CRISPLD2: variants seen among roughly 807,000 people sequenced by gnomAD.
The protein encoded by CRISPLD2 is cysteine-rich secretory protein LCCL domain-containing 2.
CRISPLD2 carries 47 observed loss-of-function variants against 71.1 expected under a neutral mutation model. That is an observed-to-expected ratio of 0.66 (90% confidence interval 0.52 to 0.84). The LOEUF (loss-of-function observed/expected upper bound fraction) is 0.84, where lower values mean the gene tolerates loss of function less well. Ranked by LOEUF, CRISPLD2 falls within the 40% of genes least tolerant of loss-of-function variation. CRISPLD2 has a pLI of 0.00. For missense variants in CRISPLD2, 830 were observed against 651.1 expected (o/e 1.27, Z -2.99); for synonymous variants, 317 against 250.1 (o/e 1.27, Z -2.52).
At chr16:84,821,102 C>T (rs902017623) in intron 1 of CRISPLD2, among the ~76,000 whole-genome samples, 1 of 152,242 alleles carries the variant, frequency 6.6e-6, no homozygotes, top group African/African-American at 2.4e-5. Context: ...GCTTGCCTTG[C>T]AACCGAGAGT....
intron 11 of CRISPLD2, 150 bp from the exon 12 acceptor site, chr16:84,877,288 C>T (rs765270890): frequency 1.4e-5 from 8 of 589,574 alleles, no homozygotes; most frequent in East Asian, 2.9e-5. Flanking sequence ...ACGTGGGGTA[C>T]GAGGAGCCTG....
At chr16:84,852,450 C>T (rs565072382) in intron 5 of CRISPLD2, among the ~76,000 whole-genome samples, 1 of 152,358 alleles carries the variant, frequency 6.6e-6, no homozygotes, top group Non-Finnish European at 1.5e-5. Context: ...CAGCACACTC[C>T]CTGTACCCCC....
intron 11 of CRISPLD2, among the ~76,000 whole-genome samples, chr16:84,874,382 A>T (rs2071500887): frequency 6.6e-6 from 1 of 152,218 alleles, no homozygotes; most frequent in Non-Finnish European, 1.5e-5. Flanking sequence ...TGAGCAAGAG[A>T]GGGAAGTGAA....
intron 1 of CRISPLD2, among the ~76,000 whole-genome samples, chr16:84,830,180 T>G (rs558596616): frequency 2.0e-5 from 3 of 152,102 alleles, no homozygotes; most frequent in Non-Finnish European, 2.9e-5. Context: ...AAATTAGCTG[T>G]GCCTGGTGTT....
chr16:84,890,955 T>C (rs111396674), intron 14 of CRISPLD2, among the ~76,000 whole-genome samples: 1 of 152,238 alleles, frequency 6.6e-6, no homozygotes, highest in African/African-American at 2.4e-5. Flanking sequence ...TTAGTAGAGA[T>C]TGGATCTCGC....
At chr16:84,827,221 C>T (rs1360568036) in intron 1 of CRISPLD2, among the ~76,000 whole-genome samples, 2 of 151,682 alleles carry the variant, frequency 1.3e-5, no homozygotes, top group Non-Finnish European at 2.9e-5. Flanking sequence ...TGAAACCATG[C>T]GTGTTGAATC....
rs367828858 is a variant in CRISPLD2, at chr16:84,891,025, C to T, written c.1439+1662C>T. Reference sequence around the variant, plus strand: ...CAGGTGATCTGCCTGGCTTGGCCTCCCAAAGTGCTGGGATCACAGGTGTGA... The same window carrying T: ...CAGGTGATCTGCCTGGCTTGGCCTCTCAAAGTGCTGGGATCACAGGTGTGA... On this transcript the variant is annotated intron_variant, in intron 14 of 14. Transcript: ENST00000262424. Among the ~76,000 whole-genome samples, 26 of 152,278 alleles carry T rather than the reference C, an allele frequency of 1.7e-4. 3 individuals are homozygous for T. Among genetic ancestry groups the T allele is most frequent in the Admixed American group, 6.5e-4 (10 of 15,300 alleles).
chr16:84,869,929 T>G (rs117327645), intron 8 of CRISPLD2, among the ~76,000 whole-genome samples: 1 of 152,176 alleles, frequency 6.6e-6, no homozygotes, highest in African/African-American at 2.4e-5. Flanking sequence ...AGTTCCAGAG[T>G]TGGGGTGGGT....
intron 9 of CRISPLD2, 100 bp from the exon 10 acceptor site, chr16:84,872,892 G>C: frequency 6.9e-7 from 1 of 1,439,176 alleles, no homozygotes; most frequent in Non-Finnish European, 9.4e-7. Context: ...CTGTCCTTCA[G>C]GCTTTTAGTG....
At chr16:84,905,467 T>G (rs1262516829) in intron 14 of CRISPLD2, among the ~76,000 whole-genome samples, 1 of 152,044 alleles carries the variant, frequency 6.6e-6, no homozygotes, top group Non-Finnish European at 1.5e-5. Flanking sequence ...TGGCAGAATC[T>G]TGGCTCACTG....
chr16:84,865,138 A>C lies in CRISPLD2; in HGVS notation c.710-1759A>C, dbSNP rs549542258. On this transcript the variant is annotated intron_variant, in intron 6 of 14. Coordinates refer to ENST00000262424, the MANE Select transcript of CRISPLD2 (RefSeq NM_031476.4). ...GGAGCTAAGACTTAGGGATTGAGGA[A>C]CACCTGATGAAACTTGGATTTTTTT... Among the ~76,000 whole-genome samples, 5 of 151,614 alleles carry C rather than the reference A, an allele frequency of 3.3e-5. No individual in the cohort carries two copies. In the South Asian group the frequency reaches 1.0e-3, roughly 32 times the overall value.
chr16:84,889,077 A>C (rs1442967615), intron 13 of CRISPLD2, among the ~76,000 whole-genome samples, 153 bp from the exon 14 acceptor site: 1 of 152,174 alleles, frequency 6.6e-6, no homozygotes, highest in Non-Finnish European at 1.5e-5. Flanking sequence ...AGAGACCCCC[A>C]AGGCATCAAG....
chr16:84,897,142 G>A (rs1259342711), intron 14 of CRISPLD2, among the ~76,000 whole-genome samples: 1 of 152,184 alleles, frequency 6.6e-6, no homozygotes, highest in African/African-American at 2.4e-5. Flanking sequence ...CTTTACTCTG[G>A]CCTTTAAAGG....
At chr16:84,889,981 A>G (rs1041935191) in intron 14 of CRISPLD2, among the ~76,000 whole-genome samples, 1 of 152,102 alleles carries the variant, frequency 6.6e-6, no homozygotes, top group Non-Finnish European at 1.5e-5. Context: ...CAGTTTTCTC[A>G]TCTGTGAAAT....
intron 14 of CRISPLD2, among the ~76,000 whole-genome samples, chr16:84,903,612 A>G (rs2071775151): frequency 6.6e-6 from 1 of 152,030 alleles, no homozygotes; most frequent in Non-Finnish European, 1.5e-5. Context: ...AAAAAAAAAA[A>G]AAGCCCAAAG....
intron 2 of CRISPLD2, 81 bp downstream of exon 2, chr16:84,838,816 C>T (rs1393848426): frequency 6.5e-7 from 1 of 1,526,956 alleles, no homozygotes; most frequent in Non-Finnish European, 8.8e-7. Flanking sequence ...CCAGCCAGCT[C>T]TGTTCCCCAG....
At chr16:84,857,522 C>T (rs112081645) in intron 6 of CRISPLD2, among the ~76,000 whole-genome samples, 1 of 152,200 alleles carries the variant, frequency 6.6e-6, no homozygotes, top group East Asian at 1.9e-4. Context: ...AGTATATAAT[C>T]GCACATCTGG....
At chr16:84,906,527 A>T in intron 14 of CRISPLD2, 61 bp from the exon 15 acceptor site, 1 of 1,577,162 alleles carries the variant, frequency 6.3e-7, no homozygotes, top group Non-Finnish European at 8.7e-7. Flanking sequence ...GCCCACCCAG[A>T]GTCCCTGCAG....
chr16:84,902,195 C>T (rs748628111), intron 14 of CRISPLD2, among the ~76,000 whole-genome samples: 3 of 152,128 alleles, frequency 2.0e-5, no homozygotes, highest in African/African-American at 7.2e-5. Context: ...AAGATCTTAT[C>T]GGCTTTTATT....
Sources: allele counts gnomAD v4.1 joint callset (sites outside exome capture counted in the v4.1 genomes callset), GRCh38; gene constraint gnomAD v4.1.1; transcripts MANE v1.5; gene names NCBI Gene and HGNC (gene_info 2026-07-23, HGNC 2026-07-21).